Variants in VPS13B observed in about 807,000 individuals in gnomAD.
VPS13B encodes the protein intermembrane lipid transfer protein VPS13B.
VPS13B carries 285 observed loss-of-function variants against 426.4 expected under a neutral mutation model. That is an observed-to-expected ratio of 0.67 (90% CI 0.61 to 0.74). The LOEUF (loss-of-function observed/expected upper bound fraction) is 0.74, where lower values mean the gene tolerates loss of function less well. VPS13B is among the 30% of genes least tolerant of loss of function. The pLI, the probability that VPS13B is intolerant of heterozygous loss-of-function variation, is 0.00. For synonymous variants in VPS13B, 1,676 were observed against 1,676.4 expected (o/e 1.00, Z 0.01); for missense variants, 4,537 against 4,782.6 (o/e 0.95, Z 1.51).
At chr8:99,747,897 C>G (rs1298880781) in intron 39 of VPS13B, among the ~76,000 whole-genome samples, 1 of 151,734 alleles carries the variant, frequency 6.6e-6, no homozygotes, top group African/African-American at 2.4e-5. Context: ...TCAGAGTAGG[C>G]AACAACTGAG....
At chr8:99,141,975 C>A (rs936862138) in intron 12 of VPS13B, among the ~76,000 whole-genome samples, 1 of 151,636 alleles carries the variant, frequency 6.6e-6, no homozygotes, top group Non-Finnish European at 1.5e-5. Flanking sequence ...ATGGCATGAA[C>A]CCAGGAGGCG....
At chr8:99,037,837 CTTTT>C (rs5893475) in intron 2 of VPS13B, among the ~76,000 whole-genome samples, 2 of 142,060 alleles carry the variant, frequency 1.4e-5, no homozygotes, top group African/African-American at 2.6e-5. Flanking sequence ...AAGTGGAATA[CTTTT>C]TTTTTTTTTT....
intron 17 of VPS13B, among the ~76,000 whole-genome samples, chr8:99,243,749 C>T (rs975315924): frequency 6.6e-5 from 10 of 152,156 alleles, no homozygotes; most frequent in African/African-American, 9.7e-5. Flanking sequence ...TCACTTCAAA[C>T]GCTGCTGCCG....
chr8:99,725,187 C>T (rs556775138), intron 39 of VPS13B, among the ~76,000 whole-genome samples: 1 of 152,320 alleles, frequency 6.6e-6, no homozygotes, highest in East Asian at 1.9e-4. Context: ...ATTCCTCACA[C>T]TTGAACTTAT....
intron 19 of VPS13B, among the ~76,000 whole-genome samples, chr8:99,329,902 T>A (rs908217434): frequency 1.3e-5 from 2 of 152,030 alleles, no homozygotes; most frequent in Non-Finnish European, 2.9e-5. Flanking sequence ...TAATTCTGTC[T>A]CATACATTGT....
At chr8:99,504,283 A>G (rs553636800) in intron 27 of VPS13B, among the ~76,000 whole-genome samples, 2 of 152,334 alleles carry the variant, frequency 1.3e-5, no homozygotes, top group African/African-American at 4.8e-5. Context: ...CAAGTAGATG[A>G]TAGTGCCATG....
At chr8:99,665,802 G>T (rs1218852563) in intron 35 of VPS13B, among the ~76,000 whole-genome samples, 2 of 152,104 alleles carry the variant, frequency 1.3e-5, no homozygotes, top group Non-Finnish European at 2.9e-5. Context: ...GGCGATGCGG[G>T]CTCTTTTTTG....
intron 36 of VPS13B, among the ~76,000 whole-genome samples, chr8:99,705,472 C>T (rs1288008930): frequency 6.6e-6 from 1 of 151,964 alleles, no homozygotes; most frequent in Non-Finnish European, 1.5e-5. Flanking sequence ...TGATTAGATA[C>T]ACTAATCATT....
intron 54 of VPS13B, among the ~76,000 whole-genome samples, chr8:99,848,308 GT>G (rs1290249706): frequency 6.6e-6 from 1 of 152,166 alleles, no homozygotes; most frequent in African/African-American, 2.4e-5. Flanking sequence ...TCCTAGGTGG[GT>G]TTTGAGGTAT....
chr8:99,863,482 AAGAG>A (rs140996868), intron 58 of VPS13B, among the ~76,000 whole-genome samples: 2 of 151,434 alleles, frequency 1.3e-5, no homozygotes, highest in African/African-American at 2.4e-5. Context: ...CTTCTAGGCA[AAGAG>A]AGAGAGAGAG....
rs185340474 is a variant in VPS13B at position 99,342,300 on chromosome 8, T to C, written c.2825-41908T>C. Among the ~76,000 whole-genome samples the C allele has an allele frequency of 2.5e-3, 386 of 152,340 alleles. 3 individuals carry two copies. Among genetic ancestry groups the C allele is most frequent in the African/African-American group, 8.0e-3 (334 of 41,582 alleles). ...TATTTTGAAATACATACTACATTAT[T>C]AATTGACTTCAGTCACTTTATTGTA... On this transcript the variant is annotated intron_variant, in intron 19 of 61. Coordinates refer to ENST00000357162, the MANE Select transcript of VPS13B (RefSeq NM_152564.5).
rs1311437131 is a variant in VPS13B at position 99,467,647 on chromosome 8, G to C, written c.3666+13G>C. The C allele has an allele frequency of 1.9e-6, 3 of 1,604,974 alleles. No homozygotes were observed. In the African/African-American group the frequency reaches 4.4e-5, roughly 23 times the overall value. ...CTCTAATCCCCAGGTTGGTACATTT[G>C]ATTTATGAAAGGAAATTTAAAGTAA... On this transcript the variant is annotated intron_variant, in intron 24 of 61. Transcript: ENST00000357162.
intron 39 of VPS13B, among the ~76,000 whole-genome samples, chr8:99,740,147 A>C (rs1449440224): frequency 6.6e-6 from 1 of 152,228 alleles, no homozygotes; most frequent in Non-Finnish European, 1.5e-5. Context: ...CGGAGCTGCA[A>C]ACCACAGCAC....
intron 8 of VPS13B, 193 bp downstream of exon 8, chr8:99,121,638 C>G: frequency 7.3e-7 from 1 of 1,369,708 alleles, no homozygotes; most frequent in South Asian, 1.8e-5. Context: ...TTCCTGTCTT[C>G]TTAGGGCATT....
chr8:99,120,973 A>G (rs1387211699), intron 7 of VPS13B, among the ~76,000 whole-genome samples: 1 of 152,208 alleles, frequency 6.6e-6, no homozygotes, highest in Non-Finnish European at 1.5e-5. Context: ...ATAACCTACT[A>G]AAGGAGAAAG....
At chr8:99,661,294 T>C (rs944983133) in intron 34 of VPS13B, 60 bp from the exon 35 acceptor site, 4 of 1,598,476 alleles carry the variant, frequency 2.5e-6, no homozygotes, top group Non-Finnish European at 3.4e-6. Context: ...CAAACTCATA[T>C]ATCAAAATGA....
At chr8:99,586,669 C>G (rs945585837) in intron 33 of VPS13B, among the ~76,000 whole-genome samples, 62 of 152,170 alleles carry the variant, frequency 4.1e-4, no homozygotes, top group African/African-American at 1.4e-3. Flanking sequence ...AATTATTTTG[C>G]ACATCTTTGA....
chr8:99,335,810 T>A (rs865817726), intron 19 of VPS13B, among the ~76,000 whole-genome samples: 39 of 151,714 alleles, frequency 2.6e-4, no homozygotes, highest in South Asian at 1.5e-3. Context: ...CTTACAAGGG[T>A]CGTGAAGGAC....
At chr8:99,484,021 G>A (rs1332369742) in intron 25 of VPS13B, among the ~76,000 whole-genome samples, 1 of 151,980 alleles carries the variant, frequency 6.6e-6, no homozygotes, top group African/African-American at 2.4e-5. Context: ...CATTCTAAGA[G>A]GTCTGTGGCT....
Sources: gnomAD v4.1 joint callset for allele counts (sites outside exome capture counted in the v4.1 genomes callset) on GRCh38, gnomAD v4.1.1 for gene constraint, MANE v1.5 for transcripts, NCBI Gene and HGNC (gene_info 2026-07-23, HGNC 2026-07-21) for gene names.